Variants in FBN2 observed in about 807,000 individuals in gnomAD.
The protein encoded by FBN2 is fibrillin 2, also known as fibrillin-2.
In FBN2, 105 loss-of-function variants were observed where a neutral mutation model predicts 355.6. The observed-to-expected ratio is 0.30, with a 90% confidence interval of 0.25 to 0.35. The LOEUF (loss-of-function observed/expected upper bound fraction) is 0.35. Among genes scored for constraint, FBN2 ranks in the 10% least tolerant of loss-of-function variants. The probability of loss-of-function intolerance (pLI) is 1.00; values close to 1 mark genes in which losing one functional copy is unlikely to be tolerated. For missense variants in FBN2, 3,280 were observed against 3,758.7 expected, an observed-to-expected ratio of 0.87 and a Z score of 3.33; for synonymous variants, 1,350 against 1,301.2, an observed-to-expected ratio of 1.04 and a Z score of -0.81.
intron 27 of FBN2, among the ~76,000 whole-genome samples, chr5:128,337,762 A>C (rs1164721545): frequency 6.6e-6 from 1 of 152,216 alleles, no homozygotes. Context: ...CACAGGGACC[A>C]ATCACGTGGC....
chr5:128,533,317 G>A (rs1310955037), intron 2 of FBN2, among the ~76,000 whole-genome samples: 1 of 152,184 alleles, frequency 6.6e-6, no homozygotes, highest in African/African-American at 2.4e-5. Context: ...AAGGTTTGAT[G>A]GGCTGGAGAC....
chr5:128,336,607 T>C (rs1750849815), intron 27 of FBN2, among the ~76,000 whole-genome samples: 2 of 152,330 alleles, frequency 1.3e-5, no homozygotes, highest in Non-Finnish European at 2.9e-5. Flanking sequence ...GGAAGACTGA[T>C]GGTTCCACAA....
At chr5:128,395,357 G>T in intron 8 of FBN2, 83 bp from the exon 9 acceptor site, 4 of 1,450,978 alleles carry the variant, frequency 2.8e-6, no homozygotes, top group Non-Finnish European at 3.8e-6. Context: ...GATGAATGTA[G>T]GTGAAGTGAC....
intron 6 of FBN2, among the ~76,000 whole-genome samples, chr5:128,454,836 C>G (rs924926359): frequency 1.3e-5 from 2 of 152,144 alleles, no homozygotes; most frequent in Non-Finnish European, 2.9e-5. Context: ...GTGCATTTCA[C>G]ATTACCTGGA....
chr5:128,301,033 G>T, intron 47 of FBN2, 97 bp from the exon 48 acceptor site: 1 of 1,150,124 alleles, frequency 8.7e-7, no homozygotes. Flanking sequence ...AATTCAACTC[G>T]GGTCCTCTGA....
chr5:128,285,752 G>C (rs1371844092), intron 55 of FBN2, among the ~76,000 whole-genome samples: 1 of 152,074 alleles, frequency 6.6e-6, no homozygotes, highest in Non-Finnish European at 1.5e-5. Flanking sequence ...TCTGATCACA[G>C]TGCTTACTCC....
At chr5:128,423,787 G>A (rs1440378311) in intron 7 of FBN2, among the ~76,000 whole-genome samples, 3 of 152,166 alleles carry the variant, frequency 2.0e-5, no homozygotes, top group Non-Finnish European at 4.4e-5. Context: ...TAGTTGTGCT[G>A]CAGTGTGGAG....
Position 128,536,536 on chromosome 5 carries a change from C to T in FBN2, c.255-52G>A, listed in dbSNP as rs577540749. 4.5e-6 allele frequency: 6 copies of T among 1,322,150 alleles called. No homozygotes were observed. The African/African-American group carries it at 8.7e-5, about 19-fold the overall frequency. 81.9% of individuals were successfully genotyped at this position (1,322,150 alleles called of 1,614,324 possible). ...ACAGATAGGTAGAGGGATGCAGCAA[C>T]ATATAAACGGTCTTCGTAAGCAATG... On this transcript the variant is annotated intron_variant, in intron 1 of 64. Transcript: ENST00000262464.
chr5:128,359,821 G>T (rs1037602199), intron 19 of FBN2, among the ~76,000 whole-genome samples: 2 of 151,866 alleles, frequency 1.3e-5, no homozygotes, highest in African/African-American at 4.8e-5. Flanking sequence ...CATGTAAGCA[G>T]GTGAGTCTCT....
At chr5:128,470,958 G>A (rs1365458745) in intron 5 of FBN2, among the ~76,000 whole-genome samples, 1 of 151,828 alleles carries the variant, frequency 6.6e-6, no homozygotes, top group Non-Finnish European at 1.5e-5. Flanking sequence ...GTCAGATAAC[G>A]CCATAAGGTA....
chr5:128,465,089 G>T (rs1463969101), intron 5 of FBN2, among the ~76,000 whole-genome samples, 168 bp from the exon 6 acceptor site: 3 of 152,228 alleles, frequency 2.0e-5, no homozygotes, highest in Admixed American at 2.0e-4. Flanking sequence ...TTCATGAGAA[G>T]TACCTTAAGA....
chr5:128,289,167 T>C lies in FBN2; in HGVS notation c.6597A>G (p.Pro2199=), dbSNP rs150305429. Residue 2199 remains proline (P), a synonymous_variant, in exon 52 of 65, where the codon CCA becomes CCG. Coordinates refer to ENST00000262464, the MANE Select transcript of FBN2 (RefSeq NM_001999.4). The stretch of plus-strand genomic sequence containing the variant: ...CAGTGTAGTCAAGGTTGTAGCCCAT[T>C]GGACATTCACAGCGAAAAGATCCGT... The part of the protein sequence containing the change: ...NTDGSFRCEC[P]MGYNLDYTGV... 2.2e-5 allele frequency: 36 copies of C among 1,613,750 alleles called. 1 individual carries two copies. The highest frequency in any genetic ancestry group is 3.3e-4 in the Middle Eastern group (2 of 6,084).
chr5:128,263,723 G>T, intron 62 of FBN2, 67 bp from the exon 63 acceptor site: 1 of 1,063,428 alleles, frequency 9.4e-7, no homozygotes, highest in Non-Finnish European at 1.4e-6. Context: ...GAACAAGTCT[G>T]GAGTCTCAAG....
At position 128,473,281 on chromosome 5, in the gene FBN2, G is replaced by T. The variant is rs1371845250; in HGVS notation, c.629-8360C>A. The stretch of plus-strand genomic sequence containing the variant: ...CTCTCCAATGCAGAGTAGAGGCAAA[G>T]AGTTTATTTTTTATTCATTTAATGG... On this transcript the variant is annotated intron_variant, in intron 5 of 64. Coordinates refer to ENST00000262464, the MANE Select transcript of FBN2 (RefSeq NM_001999.4). Among the ~76,000 whole-genome samples, 9 of 152,140 alleles carry T rather than the reference G, an allele frequency of 5.9e-5. No individual in the cohort carries two copies. In the East Asian group the frequency reaches 1.7e-3, roughly 29 times the overall value.
Position 128,505,440 on chromosome 5 carries a change from C to G in FBN2, c.628+13833G>C, listed in dbSNP as rs145376712. ...ACTTATACAAAAGGAGAAACAATTA[C>G]TTTCATTGTTCAATTTTTTAACAGC... On this transcript the variant is annotated intron_variant, in intron 5 of 64. Coordinates refer to ENST00000262464, the MANE Select transcript of FBN2 (RefSeq NM_001999.4). Among the ~76,000 whole-genome samples, 81 of 152,246 alleles carry G rather than the reference C, an allele frequency of 5.3e-4. 1 individual carries two copies. In the East Asian group the frequency reaches 9.1e-3, roughly 17 times the overall value.
chr5:128,310,144 C>G, intron 39 of FBN2, 36 bp from the exon 40 acceptor site: 1 of 1,539,552 alleles, frequency 6.5e-7, no homozygotes, highest in South Asian at 1.1e-5. Flanking sequence ...ATTAATAAAT[C>G]TATTTTTTCA....
chr5:128,296,865 C>A (rs1415492138), intron 48 of FBN2, among the ~76,000 whole-genome samples: 1 of 151,172 alleles, frequency 6.6e-6, no homozygotes, highest in African/African-American at 2.4e-5. Flanking sequence ...TTAGTTATTT[C>A]TTGCCTTCTG....
At chr5:128,373,473 T>A (rs1027779910) in intron 15 of FBN2, among the ~76,000 whole-genome samples, 6 of 152,186 alleles carry the variant, frequency 3.9e-5, no homozygotes, top group South Asian at 2.1e-4. Flanking sequence ...ATTCTCTACT[T>A]CTTCTCCTCC....
intron 7 of FBN2, among the ~76,000 whole-genome samples, chr5:128,419,368 T>C (rs182263660): frequency 3.9e-5 from 6 of 152,260 alleles, no homozygotes; most frequent in African/African-American, 4.8e-5. Context: ...ATGGTGAGAG[T>C]AGACATCAGT....
Sources: allele counts gnomAD v4.1 joint callset (sites outside exome capture counted in the v4.1 genomes callset), GRCh38; gene constraint gnomAD v4.1.1; transcripts MANE v1.5; gene names NCBI Gene and HGNC (gene_info 2026-07-23, HGNC 2026-07-21).